ITGAL: variants seen among roughly 807,000 people sequenced by gnomAD.
ITGAL encodes the protein integrin alpha-L.
In ITGAL, 68 loss-of-function variants were observed where a neutral mutation model predicts 138.4. That is an observed-to-expected ratio of 0.49 (90% CI 0.40 to 0.60). The LOEUF (loss-of-function observed/expected upper bound fraction) is 0.60, where lower values mean the gene tolerates loss of function less well. ITGAL is among the 20% of genes least tolerant of loss of function. The pLI, the probability that ITGAL is intolerant of heterozygous loss-of-function variation, is 0.00. For missense variants in ITGAL, 1,256 were observed against 1,478.6 expected, an observed-to-expected ratio of 0.85 and a Z score of 2.47; for synonymous variants, 561 against 584.3, an observed-to-expected ratio of 0.96 and a Z score of 0.57.
At position 30,510,431 on chromosome 16, in the gene ITGAL, C is replaced by G; in HGVS notation, c.2579C>G (p.Ser860Cys). Residue 860 changes from serine (S) to cysteine (C), a missense_variant, in exon 22 of 31, where the codon TCT becomes TGT. Ser to Cys is a moderately radical substitution (Grantham distance 112). This residue lies in a region of ITGAL where 867 missense variants were observed against 972.5 expected (regional missense o/e 0.89). Coordinates refer to ENST00000356798, the MANE Select transcript of ITGAL (RefSeq NM_002209.3). ...EESRLLSRALSCNVSSPIFKA... is the reference protein window; with the variant it reads ...EESRLLSRALCCNVSSPIFKA... ...TCCAGGCTTCTGTCCAGGGCATTAT[C>G]TTGCAATGTGAGCTCTCCCATCTTC... 6.2e-7 allele frequency: 1 copy of G among 1,612,922 alleles called. No homozygotes were observed. The highest frequency in any genetic ancestry group is 8.5e-7 in the Non-Finnish European group (1 of 1,178,858).
chr16:30,521,798 C>G lies in ITGAL; in HGVS notation c.*133C>G. On this transcript the variant is annotated 3_prime_UTR_variant, in exon 31 of 31. Transcript: ENST00000356798. ...TCCCTGGCCCTCAGTTTCCCTATCT[C>G]GAACATGGAACTCATTCCTGCCTGT... 2.4e-6 allele frequency: 2 copies of G among 838,334 alleles called. No individual in the cohort carries two copies. Among genetic ancestry groups the G allele is most frequent in the Non-Finnish European group, 3.6e-6 (2 of 552,400 alleles). The allele number at this position is 838,334 out of a possible 1,614,324, so 51.9% of individuals were successfully genotyped here.
intron 17 of ITGAL, among the ~76,000 whole-genome samples, chr16:30,502,760 A>T (rs2050923225): frequency 6.6e-6 from 1 of 152,056 alleles, no homozygotes; most frequent in Non-Finnish European, 1.5e-5. Context: ...AAAAAAAAAA[A>T]AAATTCATAT....
chr16:30,488,951 C>T, intron 9 of ITGAL, 131 bp from the exon 10 acceptor site: 1 of 748,390 alleles, frequency 1.3e-6, no homozygotes, highest in Non-Finnish European at 2.4e-6. Context: ...CCTGGGTCTG[C>T]CTGACCCTCA....
chr16:30,495,600 C>A (rs963876624), intron 13 of ITGAL, among the ~76,000 whole-genome samples: 1 of 152,016 alleles, frequency 6.6e-6, no homozygotes, highest in Non-Finnish European at 1.5e-5. Context: ...GAGGCTGAGG[C>A]AAGATGATTG....
intron 9 of ITGAL, among the ~76,000 whole-genome samples, chr16:30,488,723 A>AT (rs1194068989): frequency 6.6e-6 from 1 of 150,874 alleles, no homozygotes; most frequent in African/African-American, 2.4e-5. Context: ...AAAAAAAAAA[A>AT]AAAATTAGCC....
chr16:30,519,858 T>C lies in ITGAL; in HGVS notation c.3230T>C (p.Val1077Ala). Residue 1077 changes from valine to alanine, a missense_variant and splice_region_variant, in exon 30 of 31, where the codon GTT becomes GCT. Physicochemically the swap from Val to Ala is moderately conservative, Grantham distance 64 (BLOSUM62 0). Around this residue, in one of 3 missense-constraint regions of ITGAL, gnomAD observed 867 missense variants for 972.5 expected, o/e 0.89. Transcript: ENST00000356798. ...GCACTCCCCTCCCCCTGCTCCCAGG[T>C]TGTCATGAAGGTTGACGTGGTGTAT... The part of the protein sequence containing the change: ...LYGSNASLAQ[V>A]VMKVDVVYEK... 9 of 1,610,288 alleles carry C rather than the reference T, an allele frequency of 5.6e-6. No individual in the cohort carries two copies. The highest frequency in any genetic ancestry group is 1.1e-5 in the South Asian group (1 of 90,990).
intron 17 of ITGAL, among the ~76,000 whole-genome samples, chr16:30,502,819 T>G (rs867556534): frequency 0.022 from 3,249 of 148,974 alleles, 58 homozygotes; most frequent in Non-Finnish European, 0.034. Context: ...GTTTTAAACT[T>G]TTTTTTTTTT....
At chr16:30,512,675 G>T (rs1414951011) in intron 24 of ITGAL, among the ~76,000 whole-genome samples, 1 of 151,668 alleles carries the variant, frequency 6.6e-6, no homozygotes, top group Non-Finnish European at 1.5e-5. Flanking sequence ...GACAGTGTCT[G>T]AGCTCAGGTC....
Position 30,517,913 on chromosome 16 carries a change from G to A in ITGAL, c.3132+18G>A, listed in dbSNP as rs2151207940. 2 of 1,610,142 alleles carry A rather than the reference G, an allele frequency of 1.2e-6. No individual in the cohort carries two copies. Among genetic ancestry groups the A allele is most frequent in the East Asian group, 2.2e-5 (1 of 44,864 alleles). On this transcript the variant is annotated intron_variant, in intron 28 of 30. Coordinates refer to ENST00000356798, the MANE Select transcript of ITGAL (RefSeq NM_002209.3). ...AGATCGAGGTAGTCCCCGCTCCTAA[G>A]AGATGTGGAGCTGCTGTGGGGGCCC...
chr16:30,481,555 C>T lies in ITGAL; in HGVS notation c.693C>T (p.Thr231=). ...LKHVKHMLLL[T]NTFGAINYVA... ...ATGTAAAGCACATGTTGCTGTTGAC[C>T]AATACCTTTGGTGCCATCAATTATG... is the stretch of plus-strand genomic sequence containing the variant. The change falls in exon 7 of 31, where the codon ACC becomes ACT. Residue 231 remains threonine, a synonymous_variant. Transcript: ENST00000356798. 1 of 1,613,610 alleles carries T rather than the reference C, an allele frequency of 6.2e-7. No homozygotes were observed. Among genetic ancestry groups the T allele is most frequent in the Non-Finnish European group, 8.5e-7 (1 of 1,179,822 alleles).
chr16:30,521,456 G>C (rs777742341), intron 30 of ITGAL, 36 bp from the exon 31 acceptor site: 1 of 1,592,272 alleles, frequency 6.3e-7, no homozygotes, highest in Non-Finnish European at 8.6e-7. Flanking sequence ...AGTGCTCAGT[G>C]AATTCTTTGC....
chr16:30,517,171 C>A, intron 26 of ITGAL, 85 bp downstream of exon 26: 1 of 904,798 alleles, frequency 1.1e-6, no homozygotes, highest in East Asian at 2.5e-5. Flanking sequence ...CAGGGCTTGG[C>A]CAGGTGCGGT....
intron 30 of ITGAL, among the ~76,000 whole-genome samples, chr16:30,521,159 C>T (rs1380841574): frequency 6.6e-6 from 1 of 152,026 alleles, no homozygotes; most frequent in Non-Finnish European, 1.5e-5. Flanking sequence ...GTAATCCCAG[C>T]ACTTTGGGAG....
At position 30,492,253 on chromosome 16, in the gene ITGAL, TTC is replaced by T. The variant is rs1351811986; in HGVS notation, c.1214-1957_1214-1956del. 6.0e-3 allele frequency among the ~76,000 whole-genome samples: 629 copies of T among 104,300 alleles called. 3 individuals carry two copies. The highest frequency in any genetic ancestry group is 0.023 in the African/African-American group (603 of 25,762). 68.4% of individuals were successfully genotyped at this position (104,300 alleles called of 152,430 possible). A position where few individuals can be genotyped will look rare whatever the true frequency, so the allele number is the denominator to read the frequency against. ...CTGACACTGACATGATATCTTTTTT[TTC>T]TTTTTTTTTTTTTTTGAGACTGAGT... On this transcript the variant is annotated intron_variant, in intron 11 of 30. Coordinates refer to ENST00000356798, the MANE Select transcript of ITGAL (RefSeq NM_002209.3).
chr16:30,499,812 G>A (rs1339731913), intron 17 of ITGAL, among the ~76,000 whole-genome samples: 3 of 141,570 alleles, frequency 2.1e-5, no homozygotes, highest in Non-Finnish European at 4.5e-5. Flanking sequence ...ACTACAGCAC[G>A]ATCTCGGCTC....
At chr16:30,476,244 C>G (rs2050470162) in intron 4 of ITGAL, among the ~76,000 whole-genome samples, 1 of 151,640 alleles carries the variant, frequency 6.6e-6, no homozygotes, top group African/African-American at 2.4e-5. Flanking sequence ...GAGTGAAATT[C>G]CGTTTCAAAA....
chr16:30,487,261 C>T (rs2050660977), intron 9 of ITGAL, among the ~76,000 whole-genome samples: 1 of 151,994 alleles, frequency 6.6e-6, no homozygotes, highest in South Asian at 2.1e-4. Flanking sequence ...CAGGCATGAG[C>T]CACTACGCCC....
In ITGAL at chr16:30,517,053, G is replaced by A. The variant is rs1396988060; in HGVS notation, c.2943G>A (p.Glu981=). The change falls in exon 26 of 31, where the codon GAG becomes GAA. Residue 981 remains glutamate, a synonymous_variant. Coordinates refer to ENST00000356798, the MANE Select transcript of ITGAL (RefSeq NM_002209.3). ...AVVGVPQPPS[E]GPITHQWSVQ... is the part of the protein sequence containing the mutation. ...TTGGGGTGCCACAGCCTCCCAGCGAGGGGCCCATCACACACCAGTGGAGCG... is the reference window on the plus strand; with the variant it reads ...TTGGGGTGCCACAGCCTCCCAGCGAAGGGCCCATCACACACCAGTGGAGCG... The A allele has an allele frequency of 1.9e-6, 3 of 1,613,052 alleles. No individual in the cohort carries two copies.
In ITGAL at chr16:30,481,532, G is replaced by GT; in HGVS notation, c.671dup (p.His226AlafsTer44). ...GGACCCTGATGCTCTGCTGAAGCAT[G>GT]TAAAGCACATGTTGCTGTTGACCAA... On this transcript the variant is annotated frameshift_variant, in exon 7 of 31. Coordinates refer to ENST00000356798, the MANE Select transcript of ITGAL (RefSeq NM_002209.3). LOFTEE classifies it high-confidence loss of function. 1 of 1,613,694 alleles carries GT rather than the reference G, an allele frequency of 6.2e-7. No homozygotes were observed. Among genetic ancestry groups the GT allele is most frequent in the East Asian group, 2.2e-5 (1 of 44,888 alleles).
Sources: gnomAD v4.1 joint callset for allele counts (sites outside exome capture counted in the v4.1 genomes callset) on GRCh38, gnomAD v4.1.1 for gene constraint, gnomAD v4.1.1 regional missense constraint, MANE v1.5 for transcripts, NCBI Gene and HGNC (gene_info 2026-07-23, HGNC 2026-07-21) for gene names.